Variants in IL11RA observed in about 807,000 individuals in gnomAD.
IL11RA encodes the protein interleukin 11 receptor subunit alpha.
A neutral mutation model predicts 57.0 loss-of-function variants in IL11RA; 51 were observed. The observed-to-expected ratio is 0.89, with a 90% CI of 0.71 to 1.13. The LOEUF is 1.13. Among genes scored for constraint, IL11RA ranks in the 50% most tolerant of loss-of-function variants. The probability of loss-of-function intolerance (pLI) is 0.00; values close to 1 mark genes in which losing one functional copy is unlikely to be tolerated. For synonymous variants in IL11RA, 199 were observed against 217.5 expected, an observed-to-expected ratio of 0.91 and a Z score of 0.75; for missense variants, 498 against 539.4, an observed-to-expected ratio of 0.92 and a Z score of 0.76.
intron 1 of IL11RA, among the ~76,000 whole-genome samples, chr9:34,652,870 CCTT>C (rs1336344548): frequency 2.6e-5 from 4 of 152,164 alleles, no homozygotes; most frequent in Non-Finnish European, 5.9e-5. Flanking sequence ...GTCTACTGCT[CCTT>C]ATTTTCTGTT....
intron 8 of IL11RA, among the ~76,000 whole-genome samples, chr9:34,659,407 T>C (rs1378246930): frequency 6.6e-6 from 1 of 152,234 alleles, no homozygotes; most frequent in South Asian, 2.1e-4. Flanking sequence ...GCTGCCTGCC[T>C]GTGGGGTACC....
chr9:34,659,664 G>A, intron 8 of IL11RA, 95 bp from the exon 9 acceptor site: 1 of 1,487,244 alleles, frequency 6.7e-7, no homozygotes, highest in Non-Finnish European at 9.4e-7. Flanking sequence ...TAGGCTTTAG[G>A]ATGAGACTGG....
intron 1 of IL11RA, 197 bp from the exon 2 acceptor site, chr9:34,655,021 G>C (rs553565242): frequency 3.3e-6 from 2 of 598,118 alleles, no homozygotes; most frequent in Non-Finnish European, 6.2e-6. Flanking sequence ...GTGTGTGCGC[G>C]CGCACGCACA....
Position 34,660,256 on chromosome 9 carries a change from G to A in IL11RA, c.953-18G>A. The A allele has an allele frequency of 6.2e-7, 1 of 1,614,114 alleles. No homozygotes were observed. The highest frequency in any genetic ancestry group is 8.5e-7 in the Non-Finnish European group (1 of 1,180,004). ...CCCACCAGCGTATGGACACTTATTG[G>A]GTCTTGCCTTCCTTTAGGGACCATA... is the stretch of plus-strand genomic sequence containing the variant. On this transcript the variant is annotated intron_variant, in intron 9 of 12. Transcript: ENST00000441545.
chr9:34,659,913 G>A lies in IL11RA; in HGVS notation c.952+13G>A. On this transcript the variant is annotated intron_variant, in intron 9 of 12. Transcript: ENST00000441545. ...ACTCCGAGCACTGGTGAGAGACAAA[G>A]CCAAAGAAAAGGGCAGAGGCCCCAT... 1.9e-6 allele frequency: 3 copies of A among 1,613,794 alleles called. No homozygotes were observed. The highest frequency in any genetic ancestry group is 2.5e-6 in the Non-Finnish European group (3 of 1,179,834).
intron 7 of IL11RA, 34 bp downstream of exon 7, chr9:34,657,621 C>T (rs1247548441): frequency 6.2e-7 from 1 of 1,602,808 alleles, no homozygotes; most frequent in Non-Finnish European, 8.5e-7. Flanking sequence ...CCCAGACCCC[C>T]ATCACAGAGA....
intron 4 of IL11RA, 44 bp from the exon 5 acceptor site, chr9:34,656,991 G>A (rs1264830158): frequency 3.7e-6 from 6 of 1,603,854 alleles, no homozygotes; most frequent in Non-Finnish European, 5.1e-6. Context: ...GGACCAGGAG[G>A]ACCTGAGGAC....
At position 34,655,621 on chromosome 9, in the gene IL11RA, G is replaced by T; in HGVS notation, c.117G>T (p.Gln39His). 1 of 1,614,122 alleles carries T rather than the reference G, an allele frequency of 6.2e-7. No individual in the cohort carries two copies. The highest frequency in any genetic ancestry group is 8.5e-7 in the Non-Finnish European group (1 of 1,180,008). The change falls in exon 3 of 13, where the codon CAG becomes CAT. Residue 39 changes from glutamine to histidine, a missense_variant. Transcript: ENST00000441545. ...AWGPPGVQYGQPGRSVKLCCP... is the reference protein window; with the variant it reads ...AWGPPGVQYGHPGRSVKLCCP... Reference sequence around the variant, plus strand: ...CCTCCACAGGGGTCCAGTATGGGCAGCCAGGCAGGTCCGTGAAGCTGTGTT... The same window carrying T: ...CCTCCACAGGGGTCCAGTATGGGCATCCAGGCAGGTCCGTGAAGCTGTGTT...
At chr9:34,654,813 T>C (rs1291426363) in intron 1 of IL11RA, among the ~76,000 whole-genome samples, 3 of 152,092 alleles carry the variant, frequency 2.0e-5, no homozygotes, top group Non-Finnish European at 4.4e-5. Flanking sequence ...AATACCAGAA[T>C]TCCCAACAGC....
Position 34,661,717 on chromosome 9 carries a change from A to G in IL11RA, c.*219A>G, listed in dbSNP as rs923235157. The G allele has an allele frequency of 5.6e-6, 4 of 710,920 alleles. No individual in the cohort carries two copies. The highest frequency in any genetic ancestry group is 2.7e-5 in the East Asian group (1 of 37,622). 44.0% of individuals were successfully genotyped at this position (710,920 alleles called of 1,614,324 possible). On this transcript the variant is annotated 3_prime_UTR_variant, in exon 13 of 13. Transcript: ENST00000441545. Reference sequence around the variant, plus strand: ...GAGTTCTGCTCAAGGAACGTGTGTAATGTGTACATCTGTGTCCATGTGTGA... The same window carrying G: ...GAGTTCTGCTCAAGGAACGTGTGTAGTGTGTACATCTGTGTCCATGTGTGA...
In IL11RA at chr9:34,653,466, C is replaced by T. The variant is rs1295329917; in HGVS notation, c.-1+1233C>T. ...GGACTCTTTGGCCTCTCCTTATATC[C>T]CCCAACCTGGGGCCTCCCTTCCCCT... On this transcript the variant is annotated intron_variant, in intron 1 of 12. Transcript: ENST00000441545. The surrounding 1 kb of genome is among the most constrained non-coding windows in gnomAD (Gnocchi z 4.5). 6.6e-6 allele frequency among the ~76,000 whole-genome samples: 1 copy of T among 152,204 alleles called. No individual in the cohort carries two copies. Among genetic ancestry groups the T allele is most frequent in the Non-Finnish European group, 1.5e-5 (1 of 68,032 alleles).
At chr9:34,654,686 G>T (rs1457509093) in intron 1 of IL11RA, among the ~76,000 whole-genome samples, 1 of 152,192 alleles carries the variant, frequency 6.6e-6, no homozygotes, top group South Asian at 2.1e-4. Context: ...GCAGGGGTGG[G>T]CCTCAGGGTG....
rs956829689 is a variant in IL11RA at position 34,660,218 on chromosome 9, C to T, written c.953-56C>T. The T allele has an allele frequency of 8.7e-6, 14 of 1,613,712 alleles. No individual in the cohort carries two copies. In the East Asian group the frequency reaches 1.3e-4, roughly 15 times the overall value. The stretch of plus-strand genomic sequence containing the variant: ...CTAGGCCTTGGCCTTGAGCACAGGA[C>T]GTGACCCCCGTCCCCACCAGCGTAT... On this transcript the variant is annotated intron_variant, in intron 9 of 12. Coordinates refer to ENST00000441545, the MANE Select transcript of IL11RA (RefSeq NM_001142784.3).
In IL11RA at chr9:34,655,685, G is replaced by C. The variant is rs756921254; in HGVS notation, c.161+20G>C. On this transcript the variant is annotated intron_variant, in intron 3 of 12. Transcript: ENST00000441545. ...TGCCGGGTAAGTGCCCCACCTGCCT[G>C]TTGGTCTGACACTCATGACCCTTTC... is the stretch of plus-strand genomic sequence containing the variant. The C allele has an allele frequency of 2.6e-5, 42 of 1,612,096 alleles. No homozygotes were observed. The highest frequency in any genetic ancestry group is 3.4e-5 in the Non-Finnish European group (40 of 1,178,362).
At position 34,661,622 on chromosome 9, in the gene IL11RA, T is replaced by C. The variant is rs1821458761; in HGVS notation, c.*124T>C. On this transcript the variant is annotated 3_prime_UTR_variant, in exon 13 of 13. Transcript: ENST00000441545. Reference sequence around the variant, plus strand: ...GCTGGAAGTTCTGTTTGGAGCCCATTTCTGTGAGACCCTGTATTTCAAATT... The same window carrying C: ...GCTGGAAGTTCTGTTTGGAGCCCATCTCTGTGAGACCCTGTATTTCAAATT... 2.8e-6 allele frequency: 3 copies of C among 1,057,190 alleles called. No homozygotes were observed. In the African/African-American group the frequency reaches 4.7e-5, roughly 16 times the overall value. The allele number at this position is 1,057,190 out of a possible 1,614,324, so 65.5% of individuals were successfully genotyped here.
In IL11RA at chr9:34,660,362, GCCCT is replaced by G; in HGVS notation, c.1048_1051del (p.Leu350AsnfsTer16). 1.2e-6 allele frequency: 2 copies of G among 1,614,132 alleles called. No individual in the cohort carries two copies. The highest frequency in any genetic ancestry group is 3.3e-4 in the Middle Eastern group (2 of 6,062). ...AGGTGGACAGCCCTGCTCCTCCAAG[GCCCT>G]CCCTCCAACCACACCCTCGGCTACT... On this transcript the variant is annotated frameshift_variant, in exon 10 of 13. Transcript: ENST00000441545. LOFTEE classifies it high-confidence loss of function.
In IL11RA at chr9:34,657,601, C is replaced by T. The variant is rs375498348; in HGVS notation, c.646+14C>T. On this transcript the variant is annotated intron_variant, in intron 7 of 12. Coordinates refer to ENST00000441545, the MANE Select transcript of IL11RA (RefSeq NM_001142784.3). ...TGCAGAGCATCTGTGAGTACCCACC[C>T]CAGACCTCCCCCAGACCCCCATCAC... 1 of 1,612,978 alleles carries T rather than the reference C, an allele frequency of 6.2e-7. No homozygotes were observed. Among genetic ancestry groups the T allele is most frequent in the African/African-American group, 1.3e-5 (1 of 74,876 alleles).
At position 34,655,210 on chromosome 9, in the gene IL11RA, C is replaced by T. The variant is rs371659124; in HGVS notation, c.1-8C>T. On this transcript the variant is annotated splice_polypyrimidine_tract_variant and splice_region_variant and intron_variant, in intron 1 of 12. Transcript: ENST00000441545. ...GTCGGGGATTTTTGACTCTACCTCT[C>T]CCCACAGATGAGCAGCAGCTGCTCA... 2.6e-5 allele frequency: 42 copies of T among 1,601,402 alleles called. No individual in the cohort carries two copies. The Middle Eastern group carries it at 1.3e-3, about 51-fold the overall frequency.
In IL11RA at chr9:34,660,574, G is replaced by A; in HGVS notation, c.1143G>A (p.Val381=). ...SLGILSFLGL[V]AGALALGLWL... ...GAATCCTTTCTTTCCTGGGACTGGT[G>A]GCTGGGGCCCTGGCACTGGGGCTCT... The change falls in exon 11 of 13, where the codon GTG becomes GTA. Residue 381 remains valine, a synonymous_variant. Transcript: ENST00000441545. 6.2e-7 allele frequency: 1 copy of A among 1,614,088 alleles called. No homozygotes were observed. The highest frequency in any genetic ancestry group is 1.1e-5 in the South Asian group (1 of 91,074).
Sources: gnomAD v4.1 joint callset for allele counts (sites outside exome capture counted in the v4.1 genomes callset) on GRCh38, gnomAD v4.1.1 for gene constraint, Gnocchi (gnomAD v3.1) non-coding constraint, MANE v1.5 for transcripts, NCBI Gene and HGNC (gene_info 2026-07-23, HGNC 2026-07-21) for gene names.